The following CCDC88A variants were observed in gnomAD, a reference collection of about 807,000 sequenced individuals.
CCDC88A encodes the protein coiled-coil and HOOK domain protein 88A.
A neutral mutation model predicts 234.3 loss-of-function variants in CCDC88A; 54 were observed. The ratio of observed to expected loss-of-function variants is 0.23; its 90% CI spans 0.19 to 0.29. The LOEUF (loss-of-function observed/expected upper bound fraction) is 0.29, where lower values mean the gene tolerates loss of function less well. Among genes scored for constraint, CCDC88A ranks in the 10% least tolerant of loss-of-function variants. The probability of loss-of-function intolerance (pLI) is 1.00; values close to 1 mark genes in which losing one functional copy is unlikely to be tolerated. For synonymous variants in CCDC88A, 753 were observed against 737.8 expected (o/e 1.02, Z -0.33); for missense variants, 1,832 against 2,123.4 (o/e 0.86, Z 2.70).
At chr2:55,298,612 T>C (rs190402983) in intron 29 of CCDC88A, among the ~76,000 whole-genome samples, 1 of 152,100 alleles carries the variant, frequency 6.6e-6, no homozygotes, top group East Asian at 1.9e-4. Context: ...AACTATGATA[T>C]ATTGGTCAAA....
chr2:55,303,206 G>A, intron 25 of CCDC88A, 54 bp from the exon 26 acceptor site: 2 of 1,066,916 alleles, frequency 1.9e-6, no homozygotes, highest in South Asian at 1.3e-5. Context: ...AAGAAAAAAG[G>A]GAGAAGAACA....
At chr2:55,326,476 T>C (rs1684278784) in intron 17 of CCDC88A, among the ~76,000 whole-genome samples, 1 of 152,246 alleles carries the variant, frequency 6.6e-6, no homozygotes, top group African/African-American at 2.4e-5. Flanking sequence ...CATATAGTAT[T>C]AAAAGTTTAT....
At chr2:55,398,854 G>A (rs1356109639) in intron 2 of CCDC88A, among the ~76,000 whole-genome samples, 1 of 150,814 alleles carries the variant, frequency 6.6e-6, no homozygotes, top group Non-Finnish European at 1.5e-5. Context: ...GACAGAGCAA[G>A]ACCCTGCCTA....
chr2:55,319,890 C>T (rs1471241094), intron 18 of CCDC88A, among the ~76,000 whole-genome samples: 1 of 152,106 alleles, frequency 6.6e-6, no homozygotes, highest in East Asian at 1.9e-4. Flanking sequence ...TTGGTCTACC[C>T]TGCAGTATGC....
rs144038225 is a variant in CCDC88A, at chr2:55,324,579, T to C, written c.2998-1887A>G. Among the ~76,000 whole-genome samples, 242 of 152,288 alleles carry C rather than the reference T, an allele frequency of 1.6e-3. 2 individuals are homozygous for C. Among genetic ancestry groups the C allele is most frequent in the Non-Finnish European group, 1.9e-3 (126 of 68,020 alleles). ...CCAGTTTTTATGATGATGAATGAAGTTGTTATAAAAATTCATTTATCTATG... is the reference window on the plus strand; with the variant it reads ...CCAGTTTTTATGATGATGAATGAAGCTGTTATAAAAATTCATTTATCTATG... On this transcript the variant is annotated intron_variant, in intron 17 of 32. Coordinates refer to ENST00000436346, the MANE Select transcript of CCDC88A (RefSeq NM_001365480.1).
chr2:55,417,495 C>T (rs999589863), intron 2 of CCDC88A: 1 of 152,014 alleles, frequency 6.6e-6, no homozygotes, highest in East Asian at 1.9e-4. Context: ...ACACAGCTGT[C>T]AAAAATACAT....
At chr2:55,327,035 T>TG (rs1170698727) in intron 17 of CCDC88A, among the ~76,000 whole-genome samples, 8 of 152,210 alleles carry the variant, frequency 5.3e-5, no homozygotes, top group African/African-American at 1.9e-4. Context: ...TAATGTGTTT[T>TG]TTTTGTTTTG....
intron 32 of CCDC88A, 170 bp downstream of exon 32, chr2:55,291,506 A>G: frequency 2.5e-6 from 1 of 396,556 alleles, no homozygotes; most frequent in East Asian, 3.7e-5. Context: ...ACAGGTAAAA[A>G]CCTATGGCAG....
At chr2:55,372,135 G>A (rs1672936872) in intron 5 of CCDC88A, among the ~76,000 whole-genome samples, 1 of 151,674 alleles carries the variant, frequency 6.6e-6, no homozygotes, top group Non-Finnish European at 1.5e-5. Flanking sequence ...TAAATCACAA[G>A]GATGTTTTGG....
intron 8 of CCDC88A, chr2:55,349,996 T>C (rs540982475): frequency 2.1e-3 from 323 of 155,214 alleles, no homozygotes; most frequent in Middle Eastern, 6.5e-3. Flanking sequence ...TGGCGCAAAC[T>C]TGACTCACTG....
In CCDC88A at chr2:55,384,590, C is replaced by CGTATATAT. The variant is rs373391167; in HGVS notation, c.273+4187_273+4188insATATATAC. On this transcript the variant is annotated intron_variant, in intron 3 of 32. Transcript: ENST00000436346. Reference sequence around the variant, plus strand: ...ATATACGTATATATGTGTATATATACACATATATACGTATATATGTGTATA... The same window carrying CGTATATAT: ...ATATACGTATATATGTGTATATATACGTATATATACATATATACGTATATATGTGTATA... 9.7e-3 allele frequency among the ~76,000 whole-genome samples: 19 copies of CGTATATAT among 1,954 alleles called. 7 individuals carry two copies. The highest frequency in any genetic ancestry group is 0.021 in the African/African-American group (18 of 866). 1.3% of individuals were successfully genotyped at this position (1,954 alleles called of 152,430 possible).
intron 21 of CCDC88A, among the ~76,000 whole-genome samples, chr2:55,316,437 G>A (rs1197292055): frequency 2.0e-5 from 3 of 152,096 alleles, no homozygotes; most frequent in African/African-American, 7.2e-5. Flanking sequence ...AGTATTGGCT[G>A]GTTATTGATG....
rs1574559386 is a variant in CCDC88A, at chr2:55,419,376, G to T, written c.-297C>A. 15 of 381,832 alleles carry T rather than the reference G, an allele frequency of 3.9e-5. No homozygotes were observed. In the East Asian group the frequency reaches 8.2e-4, roughly 21 times the overall value. The allele number at this position is 381,832 out of a possible 1,614,324, so 23.7% of individuals were successfully genotyped here. ...CATCTGGAGGAGGAGGAAGGGAAAG[G>T]GGGCTGGAACCCAAGACAAAAAGCC... On this transcript the variant is annotated 5_prime_UTR_variant, in exon 1 of 33. Transcript: ENST00000436346.
At chr2:55,362,511 C>T in intron 6 of CCDC88A, 63 bp from the exon 7 acceptor site, 6 of 1,414,102 alleles carry the variant, frequency 4.2e-6, no homozygotes, top group Admixed American at 4.6e-5. Flanking sequence ...ATCTATTTCA[C>T]TATAGTACAA....
At chr2:55,372,114 C>T (rs1444192273) in intron 5 of CCDC88A, among the ~76,000 whole-genome samples, 3 of 151,916 alleles carry the variant, frequency 2.0e-5, no homozygotes, top group Admixed American at 6.6e-5. Flanking sequence ...GAAACATACA[C>T]GAGTACAACA....
At chr2:55,413,563 A>C (rs535744948) in intron 2 of CCDC88A, among the ~76,000 whole-genome samples, 1 of 152,352 alleles carries the variant, frequency 6.6e-6, no homozygotes, top group South Asian at 2.1e-4. Flanking sequence ...TGTATTATTC[A>C]ATCATTCAAC....
Position 55,328,449 on chromosome 2 carries a change from A to C in CCDC88A, c.2856-14T>G, listed in dbSNP as rs1232300221. On this transcript the variant is annotated splice_polypyrimidine_tract_variant and intron_variant, in intron 16 of 32. Coordinates refer to ENST00000436346, the MANE Select transcript of CCDC88A (RefSeq NM_001365480.1). This position sits in a 1 kb window ranked among gnomAD's most constrained non-coding sequence, Gnocchi z 4.3. ...AGTTTATACCTACTATCCAAGTACA[A>C]AGTAATGTAGTTCATTATTGGAGGT... is the stretch of plus-strand genomic sequence containing the variant. 4 of 1,505,488 alleles carry C rather than the reference A, an allele frequency of 2.7e-6. No individual in the cohort carries two copies. The East Asian group carries it at 9.4e-5, about 35-fold the overall frequency. 93.3% of individuals were successfully genotyped at this position (1,505,488 alleles called of 1,614,324 possible).
In CCDC88A at chr2:55,336,036, A is replaced by G. The variant is rs548190560; in HGVS notation, c.1656+645T>C. Among the ~76,000 whole-genome samples, 550 of 152,014 alleles carry G rather than the reference A, an allele frequency of 3.6e-3. 3 individuals are homozygous for G. The highest frequency in any genetic ancestry group is 0.013 in the African/African-American group (527 of 41,466). ...AGTGATACTTTGTCTCTACCAAAAA[A>G]TAAAAAAAAAAATTAAAAAATTATC... On this transcript the variant is annotated intron_variant, in intron 14 of 32. Transcript: ENST00000436346.
At chr2:55,417,292 T>C (rs889531087) in intron 2 of CCDC88A, 14 of 152,074 alleles carry the variant, frequency 9.2e-5, no homozygotes, top group Admixed American at 2.0e-4. Flanking sequence ...ACACACATTT[T>C]TAGCACACAA....
Sources: allele counts gnomAD v4.1 joint callset (sites outside exome capture counted in the v4.1 genomes callset), GRCh38; gene constraint gnomAD v4.1.1; non-coding constraint Gnocchi (gnomAD v3.1); transcripts MANE v1.5; gene names NCBI Gene and HGNC (gene_info 2026-07-23, HGNC 2026-07-21).